PPP1R37: variants seen among roughly 807,000 people sequenced by gnomAD.
PPP1R37 encodes leucine rich repeat containing 68.
A neutral mutation model predicts 61.0 loss-of-function variants in PPP1R37; 21 were observed. The observed-to-expected ratio is 0.34, with a 90% CI of 0.24 to 0.50. PPP1R37 has a LOEUF of 0.50. Ranked by LOEUF, PPP1R37 falls within the 20% of genes least tolerant of loss-of-function variation. The pLI is 0.98. For synonymous variants in PPP1R37, 443 were observed against 433.5 expected, an observed-to-expected ratio of 1.02 and a Z score of -0.27; for missense variants, 910 against 952.7, an observed-to-expected ratio of 0.96 and a Z score of 0.59.
intron 1 of PPP1R37, among the ~76,000 whole-genome samples, chr19:45,126,533 C>T (rs1265524788): frequency 3.3e-5 from 5 of 152,026 alleles, no homozygotes; most frequent in Non-Finnish European, 5.9e-5. Context: ...TGAACAAGAG[C>T]TCAGGCCTGG....
chr19:45,143,125 C>G (rs1755538278), intron 7 of PPP1R37: 2 of 177,190 alleles, frequency 1.1e-5, no homozygotes, highest in African/African-American at 4.8e-5. Context: ...GAGGGAGACA[C>G]AGGGCTCTGC....
Position 45,145,617 on chromosome 19 carries a change from G to A in PPP1R37, c.1561G>A (p.Gly521Arg), listed in dbSNP as rs927912580. 5 of 1,536,146 alleles carry A rather than the reference G, an allele frequency of 3.3e-6. No individual in the cohort carries two copies. The East Asian group carries it at 1.2e-4, about 38-fold the overall frequency. The change falls in exon 11 of 13, where the codon GGG (glycine) becomes AGG (arginine). Residue 521 changes from glycine to arginine, a missense_variant. By Grantham distance (125) the Gly-to-Arg change is moderately radical. Coordinates refer to ENST00000221462, the MANE Select transcript of PPP1R37 (RefSeq NM_019121.2). ...TGGGGAGGAAGAGGAGGAAGAGGAAGGGGAGAGGGACGAGACCCCCTGTCC... is the reference window on the plus strand; with the variant it reads ...TGGGGAGGAAGAGGAGGAAGAGGAAAGGGAGAGGGACGAGACCCCCTGTCC... ...SDGEEEEEEE[G>R]ERDETPCPAL...
Position 45,130,936 on chromosome 19 carries a change from CCG to C in PPP1R37, c.203-7576_203-7575del, listed in dbSNP as rs1196458181. 6.6e-6 allele frequency among the ~76,000 whole-genome samples: 1 copy of C among 152,184 alleles called. No individual in the cohort carries two copies. Among genetic ancestry groups the C allele is most frequent in the African/African-American group, 2.4e-5 (1 of 41,448 alleles). On this transcript the variant is annotated intron_variant, in intron 1 of 12. Coordinates refer to ENST00000221462, the MANE Select transcript of PPP1R37 (RefSeq NM_019121.2). This position sits in a 1 kb window ranked among gnomAD's most constrained non-coding sequence, Gnocchi z 4.4. Reference sequence around the variant, plus strand: ...ACACCCTCCCACTGTGTCCCCCAGCCCGCACAGTGTTGCTTCCTGGTGTTTTG... The same window carrying C: ...ACACCCTCCCACTGTGTCCCCCAGCCCACAGTGTTGCTTCCTGGTGTTTTG...
At chr19:45,096,374 A>G (rs1967993706) in intron 1 of PPP1R37, among the ~76,000 whole-genome samples, 1 of 152,176 alleles carries the variant, frequency 6.6e-6, no homozygotes, top group South Asian at 2.1e-4. Context: ...TTCCCAGAAC[A>G]GGTTTGGCTT....
rs1427169382 is a variant in PPP1R37, at chr19:45,145,634, C to T, written c.1578C>T (p.Thr526=). 4 of 1,535,788 alleles carry T rather than the reference C, an allele frequency of 2.6e-6. No homozygotes were observed. Among genetic ancestry groups the T allele is most frequent in the South Asian group, 2.4e-5 (2 of 84,060 alleles). The change falls in exon 11 of 13, where the codon ACC becomes ACT. Residue 526 remains threonine, a synonymous_variant. Transcript: ENST00000221462. ...AAGAGGAAGGGGAGAGGGACGAGAC[C>T]CCCTGTCCTGCCCTGGTGCCCCCCA... ...EEEEEGERDE[T]PCPALVPPTD... is the part of the protein sequence containing the mutation.
chr19:45,097,481 G>A (rs1035472191), intron 1 of PPP1R37, among the ~76,000 whole-genome samples: 10 of 151,938 alleles, frequency 6.6e-5, no homozygotes. Context: ...TCACCCCTGG[G>A]GCTACAGTGG....
At chr19:45,132,040 A>G (rs1468289081) in intron 1 of PPP1R37, among the ~76,000 whole-genome samples, 1 of 152,190 alleles carries the variant, frequency 6.6e-6, no homozygotes, top group Non-Finnish European at 1.5e-5. Context: ...TCCATCCCCA[A>G]CACATGCCTG....
At chr19:45,113,007 G>A (rs1968221166) in intron 1 of PPP1R37, among the ~76,000 whole-genome samples, 1 of 152,192 alleles carries the variant, frequency 6.6e-6, no homozygotes, top group Non-Finnish European at 1.5e-5. Context: ...TACCTGTGCT[G>A]GGCTCTGTGG....
chr19:45,113,124 G>A (rs1968222720), intron 1 of PPP1R37, among the ~76,000 whole-genome samples: 1 of 152,190 alleles, frequency 6.6e-6, no homozygotes, highest in Non-Finnish European at 1.5e-5. Flanking sequence ...CGGCTGGCAG[G>A]GTCCTCACAG....
intron 6 of PPP1R37, 26 bp downstream of exon 6, chr19:45,142,237 G>A: frequency 1.3e-6 from 2 of 1,532,954 alleles, no homozygotes; most frequent in Non-Finnish European, 1.7e-6. Flanking sequence ...GGGAGGGTGA[G>A]CAGGATGTGC....
rs1044639153 is a variant in PPP1R37, at chr19:45,128,671, G to A, written c.203-9843G>A. 27 of 1,220,168 alleles carry A rather than the reference G, an allele frequency of 2.2e-5. No individual in the cohort carries two copies. The East Asian group carries it at 6.9e-4, about 31-fold the overall frequency. 75.6% of individuals were successfully genotyped at this position (1,220,168 alleles called of 1,614,324 possible). A position where few individuals can be genotyped will look rare whatever the true frequency, so the allele number is the denominator to read the frequency against. ...AACACTGGCTTCGTGGTGCTCAAAG[G>A]CTGGCCCTGTAAGGTCTTTGAGATG... On this transcript the variant is annotated intron_variant, in intron 1 of 12. Transcript: ENST00000221462.
At chr19:45,100,703 C>T (rs188075190) in intron 1 of PPP1R37, among the ~76,000 whole-genome samples, 7 of 152,250 alleles carry the variant, frequency 4.6e-5, no homozygotes, top group South Asian at 4.1e-4. Flanking sequence ...AACCCAGAAT[C>T]GTTTATAAAA....
At chr19:45,123,220 A>G (rs941974514) in intron 1 of PPP1R37, among the ~76,000 whole-genome samples, 1 of 151,782 alleles carries the variant, frequency 6.6e-6, no homozygotes, top group Non-Finnish European at 1.5e-5. Context: ...GCCACTGCCT[A>G]TTGGAGGCAT....
chr19:45,093,683 G>T (rs1967953920), intron 1 of PPP1R37, among the ~76,000 whole-genome samples, 156 bp downstream of exon 1: 1 of 152,210 alleles, frequency 6.6e-6, no homozygotes, highest in Admixed American at 6.5e-5. Context: ...TGTTAGAAAG[G>T]GGGTGGCTAT....
At chr19:45,125,041 TCTC>T (rs745770754) in intron 1 of PPP1R37, among the ~76,000 whole-genome samples, 9 of 152,252 alleles carry the variant, frequency 5.9e-5, no homozygotes, top group South Asian at 4.2e-4. Context: ...AGCTTGGAAT[TCTC>T]CTAAATTCGA....
chr19:45,140,468 C>T, intron 3 of PPP1R37, 38 bp from the exon 4 acceptor site: 1 of 1,489,042 alleles, frequency 6.7e-7, no homozygotes, highest in East Asian at 2.5e-5. Flanking sequence ...CAAAGGTGCA[C>T]TGTCTTAGAC....
intron 5 of PPP1R37, among the ~76,000 whole-genome samples, chr19:45,141,791 C>T (rs1000132894): frequency 6.6e-6 from 1 of 152,230 alleles, no homozygotes; most frequent in African/African-American, 2.4e-5. Flanking sequence ...ATCTGGTAAC[C>T]TCCCAGCCAC....
chr19:45,136,700 C>T (rs1968543191), intron 1 of PPP1R37, among the ~76,000 whole-genome samples: 1 of 152,048 alleles, frequency 6.6e-6, no homozygotes, highest in African/African-American at 2.4e-5. Context: ...CAGGCCTGAC[C>T]TCTGGGGAGG....
Position 45,114,774 on chromosome 19 carries a change from C to G in PPP1R37, c.202+21247C>G, listed in dbSNP as rs567152208. On this transcript the variant is annotated intron_variant, in intron 1 of 12. Transcript: ENST00000221462. Reference sequence around the variant, plus strand: ...CCACCCTGGGCAACAAGTGAGACCCCCCCCCCCATCTCCACAAAATATAAA... The same window carrying G: ...CCACCCTGGGCAACAAGTGAGACCCGCCCCCCCATCTCCACAAAATATAAA... Among the ~76,000 whole-genome samples, 77 of 151,894 alleles carry G rather than the reference C, an allele frequency of 5.1e-4. No individual in the cohort carries two copies. The East Asian group carries it at 0.012, about 24-fold the overall frequency.
Sources: gnomAD v4.1 joint callset for allele counts (sites outside exome capture counted in the v4.1 genomes callset) on GRCh38, gnomAD v4.1.1 for gene constraint, Gnocchi (gnomAD v3.1) non-coding constraint, MANE v1.5 for transcripts, NCBI Gene and HGNC (gene_info 2026-07-23, HGNC 2026-07-21) for gene names.